The following HERPUD2 variants were observed in gnomAD, a reference collection of about 807,000 sequenced individuals.
The protein encoded by HERPUD2 is HERPUD family member 2.
HERPUD2 carries 13 observed loss-of-function variants against 49.9 expected under a neutral mutation model. The observed-to-expected ratio is 0.26, with a 90% CI of 0.17 to 0.41. The LOEUF is 0.41. Ranked by LOEUF, HERPUD2 falls within the 10% of genes least tolerant of loss-of-function variation. The pLI is 1.00. For missense variants in HERPUD2, 449 were observed against 492.2 expected (o/e 0.91, Z 0.83); for synonymous variants, 172 against 171.4 (o/e 1.00, Z -0.03).
Position 35,642,569 on chromosome 7 carries a change from C to G in HERPUD2, c.495-4097G>C, listed in dbSNP as rs113222160. Among the ~76,000 whole-genome samples, 913 of 152,272 alleles carry G rather than the reference C, an allele frequency of 6.0e-3. 9 individuals carry two copies. The highest frequency in any genetic ancestry group is 0.02 in the African/African-American group (842 of 41,558). On this transcript the variant is annotated intron_variant, in intron 5 of 8. Transcript: ENST00000311350. ...ACACAGAATCAACCTCAATGCTCAT[C>G]AATGACAGATTGGATAAAGAAAAAG...
At chr7:35,674,379 C>CTATATATATATATATATATATATATA (rs1232272764) in intron 2 of HERPUD2, among the ~76,000 whole-genome samples, 1 of 42,968 alleles carries the variant, frequency 2.3e-5, no homozygotes, top group Non-Finnish European at 4.0e-5. Context: ...GTCTTACAAC[C>CTATATATATATATATATATATATATA]TATATATATA....
At chr7:35,648,298 C>A (rs147285866) in intron 5 of HERPUD2, among the ~76,000 whole-genome samples, 331 of 152,234 alleles carry the variant, frequency 2.2e-3, no homozygotes, top group South Asian at 6.6e-3. Context: ...ATAAAACTGA[C>A]CAAATATTTA....
At chr7:35,655,752 C>A (rs1785262249) in intron 5 of HERPUD2, among the ~76,000 whole-genome samples, 1 of 152,176 alleles carries the variant, frequency 6.6e-6, no homozygotes, top group Non-Finnish European at 1.5e-5. Context: ...GTCAAACCAT[C>A]CCTCTTTGTA....
At chr7:35,637,165 AGATAGAT>A (rs1562666861) in intron 6 of HERPUD2, among the ~76,000 whole-genome samples, 245 of 105,106 alleles carry the variant, frequency 2.3e-3, no homozygotes, top group Admixed American at 6.8e-3. Context: ...AAAGAAAGAT[AGATAGAT>A]AGATAGATAG....
chr7:35,683,512 C>A (rs1339741390), intron 2 of HERPUD2, among the ~76,000 whole-genome samples: 1 of 152,146 alleles, frequency 6.6e-6, no homozygotes, highest in African/African-American at 2.4e-5. Flanking sequence ...CTGCCTTAGG[C>A]AAGGATTTCA....
At chr7:35,672,191 G>A (rs1440701240) in intron 3 of HERPUD2, among the ~76,000 whole-genome samples, 1 of 151,636 alleles carries the variant, frequency 6.6e-6, no homozygotes, top group Non-Finnish European at 1.5e-5. Flanking sequence ...CCTATGTGGG[G>A]TCAGAGAATG....
intron 2 of HERPUD2, among the ~76,000 whole-genome samples, chr7:35,676,003 T>G (rs1399785976): frequency 2.6e-5 from 4 of 152,210 alleles, no homozygotes; most frequent in African/African-American, 9.6e-5. Context: ...TTTAGTAAGT[T>G]TTATAATAAC....
chr7:35,692,293 A>G (rs1424309145), intron 2 of HERPUD2, among the ~76,000 whole-genome samples: 1 of 142,906 alleles, frequency 7.0e-6, no homozygotes, highest in Non-Finnish European at 1.5e-5. Flanking sequence ...CAGGCTTCCC[A>G]CTCCCGTCTC....
intron 5 of HERPUD2, among the ~76,000 whole-genome samples, chr7:35,660,149 T>C (rs1469827272): frequency 1.1e-4 from 16 of 152,220 alleles, no homozygotes; most frequent in Admixed American, 5.9e-4. Flanking sequence ...GTCCTTGCGA[T>C]AGTTTGCTCA....
chr7:35,649,048 A>C lies in HERPUD2; in HGVS notation c.495-10576T>G, dbSNP rs557009197. 2.3e-3 allele frequency among the ~76,000 whole-genome samples: 353 copies of C among 152,228 alleles called. 1 individual carries two copies. The highest frequency in any genetic ancestry group is 3.5e-3 in the Non-Finnish European group (236 of 68,008). On this transcript the variant is annotated intron_variant, in intron 5 of 8. Transcript: ENST00000311350. ...AGGCAGATCACAAGGTCAGGAGATC[A>C]AGACCATCCTGACTAACATGGTGAA...
At chr7:35,679,311 T>C (rs1431553918) in intron 2 of HERPUD2, among the ~76,000 whole-genome samples, 1 of 152,216 alleles carries the variant, frequency 6.6e-6, no homozygotes, top group Non-Finnish European at 1.5e-5. Flanking sequence ...ATATTGTATT[T>C]AACCCAAAAT....
chr7:35,635,547 T>G, intron 6 of HERPUD2, 89 bp from the exon 7 acceptor site: 1 of 1,101,798 alleles, frequency 9.1e-7, no homozygotes, highest in South Asian at 1.6e-5. Context: ...CTATATGTAT[T>G]TTTCATAAAC....
At chr7:35,689,967 G>A (rs1309194851) in intron 2 of HERPUD2, among the ~76,000 whole-genome samples, 2 of 152,116 alleles carry the variant, frequency 1.3e-5, no homozygotes, top group Non-Finnish European at 2.9e-5. Context: ...AGTGGACTTG[G>A]ATATTCATAT....
intron 5 of HERPUD2, among the ~76,000 whole-genome samples, chr7:35,657,880 C>A (rs1785315563): frequency 6.6e-6 from 1 of 151,358 alleles, no homozygotes; most frequent in South Asian, 2.1e-4. Context: ...CGAGATCGCG[C>A]CACTGCACTC....
intron 5 of HERPUD2, 71 bp from the exon 6 acceptor site, chr7:35,638,543 T>C: frequency 6.9e-7 from 1 of 1,450,946 alleles, no homozygotes; most frequent in African/African-American, 1.4e-5. Context: ...TTTTCATTTC[T>C]GAACCCCAAG....
chr7:35,634,526 T>A, intron 7 of HERPUD2, 97 bp from the exon 8 acceptor site: 1 of 692,734 alleles, frequency 1.4e-6, no homozygotes, highest in Non-Finnish European at 2.4e-6. Context: ...GAAAAATGAT[T>A]AAAACTATAA....
intron 2 of HERPUD2, among the ~76,000 whole-genome samples, chr7:35,675,022 C>T (rs1001093653): frequency 1.3e-5 from 2 of 152,162 alleles, no homozygotes; most frequent in African/African-American, 4.8e-5. Flanking sequence ...ACGGGAACCC[C>T]AATTTATAAC....
intron 5 of HERPUD2, among the ~76,000 whole-genome samples, chr7:35,661,831 T>C (rs952000996): frequency 1.3e-5 from 2 of 152,226 alleles, no homozygotes; most frequent in African/African-American, 4.8e-5. Context: ...CAGGGACAAT[T>C]TGACTTCCTC....
At position 35,686,718 on chromosome 7, in the gene HERPUD2, C is replaced by CAAAAAA. The variant is rs1355835861; in HGVS notation, c.147+7460_147+7465dup. Among the ~76,000 whole-genome samples, 12 of 3,800 alleles carry CAAAAAA rather than the reference C, an allele frequency of 3.2e-3. 2 individuals are homozygous for CAAAAAA. Among genetic ancestry groups the CAAAAAA allele is most frequent in the Non-Finnish European group, 4.7e-3 (10 of 2,130 alleles). The allele number at this position is 3,800 out of a possible 152,430, so 2.5% of individuals were successfully genotyped here. A position where few individuals can be genotyped will look rare whatever the true frequency, so the allele number is the denominator to read the frequency against. ...TGGGCGACAGAACGACACTCCGTCT[C>CAAAAAA]AAAAAAAAAAAAAAAAAAAAAAAAA... On this transcript the variant is annotated intron_variant, in intron 2 of 8. Coordinates refer to ENST00000311350, the MANE Select transcript of HERPUD2 (RefSeq NM_022373.5).
Sources: allele counts gnomAD v4.1 joint callset (sites outside exome capture counted in the v4.1 genomes callset), GRCh38; gene constraint gnomAD v4.1.1; transcripts MANE v1.5; gene names NCBI Gene and HGNC (gene_info 2026-07-23, HGNC 2026-07-21).